The following SLC4A4 variants were observed in gnomAD, a reference collection of about 807,000 sequenced individuals.
SLC4A4 encodes solute carrier family 4 member 4, also known as electrogenic sodium bicarbonate cotransporter 1.
SLC4A4 carries 27 observed loss-of-function variants against 111.5 expected under a neutral mutation model. The observed-to-expected ratio is 0.24, with a 90% CI of 0.18 to 0.33. The LOEUF is 0.33. Ranked by LOEUF, SLC4A4 falls within the 10% of genes least tolerant of loss-of-function variation. The probability of loss-of-function intolerance (pLI) is 1.00; values close to 1 mark genes in which losing one functional copy is unlikely to be tolerated. For synonymous variants in SLC4A4, 443 were observed against 463.4 expected, an observed-to-expected ratio of 0.96 and a Z score of 0.57; for missense variants, 909 against 1,315.5, an observed-to-expected ratio of 0.69 and a Z score of 4.78.
At chr4:71,359,092 G>A (rs1308571376) in intron 6 of SLC4A4, among the ~76,000 whole-genome samples, 1 of 152,208 alleles carries the variant, frequency 6.6e-6, no homozygotes, top group African/African-American at 2.4e-5. Flanking sequence ...GTAGAAATTA[G>A]GAACAGATGG....
intron 15 of SLC4A4, among the ~76,000 whole-genome samples, chr4:71,491,495 T>A (rs1729908128): frequency 6.6e-6 from 1 of 151,842 alleles, no homozygotes; most frequent in South Asian, 2.1e-4. Flanking sequence ...TCCTTCCACA[T>A]CCCAAACACA....
intron 3 of SLC4A4, among the ~76,000 whole-genome samples, chr4:71,270,287 A>G (rs113064764): frequency 2.3e-4 from 35 of 152,180 alleles, no homozygotes; most frequent in African/African-American, 7.9e-4. Context: ...GCGGGGTTTC[A>G]CCATGTTGGC....
intron 1 of SLC4A4, among the ~76,000 whole-genome samples, chr4:71,075,477 C>T (rs1484341961): frequency 1.3e-5 from 2 of 152,138 alleles, no homozygotes; most frequent in African/African-American, 4.8e-5. Flanking sequence ...TCACTTCTCA[C>T]CCCCTTCCTT....
At chr4:71,203,064 T>G (rs1465425577) in intron 1 of SLC4A4, among the ~76,000 whole-genome samples, 5 of 152,050 alleles carry the variant, frequency 3.3e-5, no homozygotes, top group African/African-American at 1.2e-4. Context: ...GAGGGTGGTG[T>G]TTGGGAAGAG....
At chr4:71,101,128 G>A (rs887649768) in intron 2 of SLC4A4, among the ~76,000 whole-genome samples, 86 of 152,002 alleles carry the variant, frequency 5.7e-4, no homozygotes, top group Non-Finnish European at 9.3e-4. Flanking sequence ...GCATGGTGGC[G>A]GGCGCCTGTA....
intron 2 of SLC4A4, among the ~76,000 whole-genome samples, chr4:71,127,226 CAT>C (rs1344330536): frequency 6.6e-6 from 1 of 152,176 alleles, no homozygotes; most frequent in Non-Finnish European, 1.5e-5. Flanking sequence ...TTTGTAGAAA[CAT>C]ATGGCCATAT....
chr4:71,117,769 A>G (rs1223602852), intron 2 of SLC4A4, among the ~76,000 whole-genome samples: 5 of 152,172 alleles, frequency 3.3e-5, no homozygotes, highest in Non-Finnish European at 5.9e-5. Context: ...CTACATATAT[A>G]TAGTCAATTA....
chr4:71,322,880 C>T (rs1376642158), intron 3 of SLC4A4, among the ~76,000 whole-genome samples: 1 of 151,866 alleles, frequency 6.6e-6, no homozygotes, highest in African/African-American at 2.4e-5. Flanking sequence ...GCTTGAAATT[C>T]CCTTGACCCT....
Position 71,404,671 on chromosome 4 carries a change from G to A in SLC4A4, c.807+7018G>A, listed in dbSNP as rs537142488. On this transcript the variant is annotated intron_variant, in intron 7 of 25. Coordinates refer to ENST00000264485, the MANE Select transcript of SLC4A4 (RefSeq NM_001098484.3). ...CTGACAGAGACTTCATAAAAGAAAC[G>A]AGCATTTTTCTTCTTGGAAGTGGCA... Among the ~76,000 whole-genome samples, 9 of 152,210 alleles carry A rather than the reference G, an allele frequency of 5.9e-5. No homozygotes were observed. In the South Asian group the frequency reaches 1.7e-3, roughly 28 times the overall value.
chr4:71,317,089 T>C (rs1419263253), intron 3 of SLC4A4, among the ~76,000 whole-genome samples: 1 of 151,528 alleles, frequency 6.6e-6, no homozygotes, highest in African/African-American at 2.4e-5. Flanking sequence ...TGTGTGTGTG[T>C]GTGTGTGTGT....
chr4:71,411,045 G>A (rs1237394986), intron 7 of SLC4A4, among the ~76,000 whole-genome samples: 5 of 152,116 alleles, frequency 3.3e-5, no homozygotes, highest in South Asian at 2.1e-4. Context: ...AGTGTCACTC[G>A]TGGCTTATAA....
At chr4:71,302,469 A>AT (rs1725352081) in intron 3 of SLC4A4, among the ~76,000 whole-genome samples, 1 of 152,238 alleles carries the variant, frequency 6.6e-6, no homozygotes, top group Non-Finnish European at 1.5e-5. Flanking sequence ...GGTAACAGGT[A>AT]TCCCTTATCA....
chr4:71,332,869 T>C (rs1728129418), intron 3 of SLC4A4, among the ~76,000 whole-genome samples: 1 of 152,126 alleles, frequency 6.6e-6, no homozygotes, highest in African/African-American at 2.4e-5. Context: ...TTTTTAAAAA[T>C]TATTTCAATC....
chr4:71,076,820 A>G (rs1741846379), intron 1 of SLC4A4, among the ~76,000 whole-genome samples: 2 of 152,006 alleles, frequency 1.3e-5, no homozygotes, highest in South Asian at 4.2e-4. Context: ...GCAAAACCAC[A>G]TTTTTACAAA....
chr4:71,384,886 G>A (rs1206697726), intron 6 of SLC4A4, among the ~76,000 whole-genome samples: 1 of 151,618 alleles, frequency 6.6e-6, no homozygotes. Context: ...TGGGGAGTAG[G>A]GGGTTAGGGG....
intron 11 of SLC4A4, 150 bp from the exon 12 acceptor site, chr4:71,453,345 T>C: frequency 1.3e-6 from 1 of 795,464 alleles, no homozygotes; most frequent in Non-Finnish European, 2.1e-6. Flanking sequence ...CCTTTATAGT[T>C]TTCTGGTTTC....
chr4:71,459,542 C>T (rs941798959), intron 12 of SLC4A4, among the ~76,000 whole-genome samples: 1 of 151,886 alleles, frequency 6.6e-6, no homozygotes, highest in African/African-American at 2.4e-5. Flanking sequence ...TTTTAATGAC[C>T]ACATATATTT....
At chr4:71,531,808 A>AAG (rs1413796593) in intron 16 of SLC4A4, among the ~76,000 whole-genome samples, 4 of 115,606 alleles carry the variant, frequency 3.5e-5, no homozygotes, top group South Asian at 2.8e-4. Context: ...CACACACAGA[A>AAG]AGAGAGAGAG....
chr4:71,084,910 G>GT, intron 1 of SLC4A4, among the ~76,000 whole-genome samples: 1 of 151,984 alleles, frequency 6.6e-6, no homozygotes, highest in Non-Finnish European at 1.5e-5. Context: ...AATCCTTTGG[G>GT]TATATACCCA....
Sources: gnomAD v4.1 joint callset for allele counts (sites outside exome capture counted in the v4.1 genomes callset) on GRCh38, gnomAD v4.1.1 for gene constraint, MANE v1.5 for transcripts, NCBI Gene and HGNC (gene_info 2026-07-23, HGNC 2026-07-21) for gene names.